The following PCDHA3 variants were observed in gnomAD, a reference collection of about 807,000 sequenced individuals.
PCDHA3 encodes the protein protocadherin alpha-3.
A neutral mutation model predicts 62.2 loss-of-function variants in PCDHA3; 41 were observed. That is an observed-to-expected ratio of 0.66 (90% confidence interval 0.51 to 0.86). The LOEUF is 0.86. Ranked by LOEUF, PCDHA3 falls within the 40% of genes least tolerant of loss-of-function variation. The pLI, the probability that PCDHA3 is intolerant of heterozygous loss-of-function variation, is 0.00. For missense variants in PCDHA3, 1,304 were observed against 1,241.2 expected, an observed-to-expected ratio of 1.05 and a Z score of -0.76; for synonymous variants, 640 against 555.4, an observed-to-expected ratio of 1.15 and a Z score of -2.14.
In PCDHA3 at chr5:140,843,348, C is replaced by T; in HGVS notation, c.2394+39757C>T. The T allele has an allele frequency of 1.9e-6, 3 of 1,596,106 alleles. No homozygotes were observed. The South Asian group carries it at 3.3e-5, about 18-fold the overall frequency. On this transcript the variant is annotated intron_variant, in intron 1 of 3. Transcript: ENST00000522353. ...TCGCTGGTGGAGAGCGGCCAGGCTC[C>T]AAAAGCGTCATCGAGGCAGTCGGCT...
At chr5:140,850,821 C>T in intron 1 of PCDHA3, 1 of 1,598,302 alleles carries the variant, frequency 6.3e-7, no homozygotes, top group Non-Finnish European at 8.6e-7. Flanking sequence ...CAGCCCGGGC[C>T]TTTCTCCTTG....
At chr5:140,824,673 T>C (rs1393313065) in intron 1 of PCDHA3, 1 of 143,292 alleles carries the variant, frequency 7.0e-6, no homozygotes, top group Non-Finnish European at 1.5e-5. Flanking sequence ...TTGCCCAGGC[T>C]GGTCTTGAAC....
At chr5:140,818,623 G>A (rs970158676) in intron 1 of PCDHA3, among the ~76,000 whole-genome samples, 4 of 152,122 alleles carry the variant, frequency 2.6e-5, no homozygotes, top group Non-Finnish European at 5.9e-5. Context: ...GATTGCTTGA[G>A]CCCAGGAGTT....
intron 1 of PCDHA3, chr5:140,867,192 C>T (rs2049812222): frequency 1.3e-5 from 2 of 152,080 alleles, no homozygotes; most frequent in African/African-American, 4.8e-5. Flanking sequence ...CGCAAGACTC[C>T]ACATTCCATG....
At chr5:140,849,851 A>C (rs148732691) in intron 1 of PCDHA3, 9 of 1,598,252 alleles carry the variant, frequency 5.6e-6, no homozygotes, top group East Asian at 4.5e-5. Context: ...ACGACAACGC[A>C]CCAGCGTTCG....
intron 1 of PCDHA3, among the ~76,000 whole-genome samples, chr5:140,885,351 G>T (rs2060569192): frequency 1.3e-5 from 2 of 152,052 alleles, no homozygotes; most frequent in Admixed American, 6.5e-5. Context: ...TTTCCAAAAG[G>T]TACTGGTGAC....
At chr5:140,890,245 A>G (rs2062563165) in intron 1 of PCDHA3, among the ~76,000 whole-genome samples, 1 of 152,146 alleles carries the variant, frequency 6.6e-6, no homozygotes, top group Admixed American at 6.5e-5. Context: ...TTACCAGTAC[A>G]CTACTGCACC....
intron 1 of PCDHA3, among the ~76,000 whole-genome samples, chr5:140,839,123 G>A (rs1346633787): frequency 6.6e-6 from 1 of 151,664 alleles, no homozygotes; most frequent in Admixed American, 6.6e-5. Flanking sequence ...GCCATAATAT[G>A]TCATTCACAT....
chr5:140,982,089 C>A (rs2096965506), intron 2 of PCDHA3, among the ~76,000 whole-genome samples: 1 of 152,220 alleles, frequency 6.6e-6, no homozygotes, highest in Non-Finnish European at 1.5e-5. Context: ...AACCTAGGAA[C>A]AAGAGAACCT....
rs1489467507 is a variant in PCDHA3, at chr5:140,802,353, A to G, written c.1156A>G (p.Thr386Ala). The part of the protein sequence containing the change: ...DRDSGVNGQV[T>A]CSLTPHVPFK... The stretch of plus-strand genomic sequence containing the variant: ...CGACTCAGGAGTCAATGGACAGGTC[A>G]CCTGCTCGCTGACGCCCCACGTCCC... Residue 386 changes from threonine to alanine, a missense_variant, in exon 1 of 4, where the codon ACC becomes GCC. Physicochemically the swap from Thr to Ala is moderately conservative, Grantham distance 58 (BLOSUM62 0). Transcript: ENST00000522353. 1.2e-6 allele frequency: 2 copies of G among 1,614,122 alleles called. No homozygotes were observed. The highest frequency in any genetic ancestry group is 1.3e-5 in the African/African-American group (1 of 74,946).
intron 1 of PCDHA3, among the ~76,000 whole-genome samples, chr5:140,838,607 T>C (rs1389543577): frequency 1.3e-5 from 2 of 152,052 alleles, no homozygotes; most frequent in Non-Finnish European, 2.9e-5. Flanking sequence ...GTCTAGACTT[T>C]TAAAAATTTT....
At chr5:140,861,849 T>G (rs2047107514) in intron 1 of PCDHA3, 1 of 156,218 alleles carries the variant, frequency 6.4e-6, no homozygotes, top group Non-Finnish European at 1.4e-5. Flanking sequence ...CTACTCTTGG[T>G]GCTCAAAGCA....
chr5:140,877,488 C>A lies in PCDHA3; in HGVS notation c.2394+73897C>A, dbSNP rs781785108. On this transcript the variant is annotated intron_variant, in intron 1 of 3. Coordinates refer to ENST00000522353, the MANE Select transcript of PCDHA3 (RefSeq NM_018906.3). ...CGGTGCTGGTGTCGCTGGTGGAGAACGGCCAGGCCCCAAAGACGTCGTCGC... is the reference window on the plus strand; with the variant it reads ...CGGTGCTGGTGTCGCTGGTGGAGAAAGGCCAGGCCCCAAAGACGTCGTCGC... The A allele has an allele frequency of 2.5e-6, 4 of 1,613,736 alleles. No individual in the cohort carries two copies. The African/African-American group carries it at 5.3e-5, about 22-fold the overall frequency.
intron 1 of PCDHA3, among the ~76,000 whole-genome samples, chr5:140,833,724 C>T (rs1420470141): frequency 9.3e-5 from 14 of 149,846 alleles, no homozygotes; most frequent in Non-Finnish European, 1.8e-4. Flanking sequence ...TGGATAGTTG[C>T]TAATGTTTCT....
At chr5:140,952,479 A>C (rs246034) in intron 1 of PCDHA3, among the ~76,000 whole-genome samples, 85,668 of 152,018 alleles carry the variant, frequency 0.56, 24,767 homozygotes, top group African/African-American at 0.69. Flanking sequence ...GGAAAGTGAC[A>C]TTTGCTCCAG....
At chr5:141,001,261 CTT>C (rs1437571267) in intron 3 of PCDHA3, among the ~76,000 whole-genome samples, 1 of 152,062 alleles carries the variant, frequency 6.6e-6, no homozygotes, top group East Asian at 1.9e-4. Flanking sequence ...GGCGGGCACT[CTT>C]ATGAACTTTT....
At chr5:140,990,109 T>C (rs2097374572) in intron 3 of PCDHA3, among the ~76,000 whole-genome samples, 1 of 151,886 alleles carries the variant, frequency 6.6e-6, no homozygotes, top group African/African-American at 2.4e-5. Context: ...AAACAGGAAA[T>C]TGAGAGCTCT....
At chr5:140,926,664 C>T (rs2083450429) in intron 1 of PCDHA3, 1 of 546,968 alleles carries the variant, frequency 1.8e-6, no homozygotes, top group East Asian at 3.5e-5. Context: ...CTTTCCCAGA[C>T]GGCTGCCCAG....
At chr5:140,882,065 A>C in intron 1 of PCDHA3, 1 of 831,114 alleles carries the variant, frequency 1.2e-6, no homozygotes, top group Non-Finnish European at 1.8e-6. Flanking sequence ...TTACACGTTC[A>C]TGCGCATGGT....
Sources: allele counts gnomAD v4.1 joint callset (sites outside exome capture counted in the v4.1 genomes callset), GRCh38; gene constraint gnomAD v4.1.1; transcripts MANE v1.5; gene names NCBI Gene and HGNC (gene_info 2026-07-23, HGNC 2026-07-21).